NOL4: variants seen among roughly 807,000 people sequenced by gnomAD.
NOL4 encodes the protein cancer/testis antigen 125.
In NOL4, 17 loss-of-function variants were observed where a neutral mutation model predicts 75.9. The ratio of observed to expected loss-of-function variants is 0.22; its 90% confidence interval spans 0.15 to 0.34. The LOEUF (loss-of-function observed/expected upper bound fraction) is 0.34. Among genes scored for constraint, NOL4 ranks in the 10% least tolerant of loss-of-function variants. NOL4 has a pLI of 1.00. For synonymous variants in NOL4, 292 were observed against 289.9 expected (o/e 1.01, Z -0.07); for missense variants, 614 against 793.5 (o/e 0.77, Z 2.72).
chr18:33,939,138 A>T (rs2068281331), intron 9 of NOL4, among the ~76,000 whole-genome samples: 1 of 151,996 alleles, frequency 6.6e-6, no homozygotes, highest in Admixed American at 6.6e-5. Context: ...TGGTCTATAC[A>T]TCTGTTTTGG....
chr18:33,962,416 C>T (rs755795551), intron 6 of NOL4, among the ~76,000 whole-genome samples: 6 of 152,254 alleles, frequency 3.9e-5, no homozygotes, highest in African/African-American at 7.2e-5. Flanking sequence ...GAGATATTCT[C>T]GAATCTACCA....
chr18:33,866,232 C>T (rs2063421000), intron 10 of NOL4, among the ~76,000 whole-genome samples: 2 of 152,106 alleles, frequency 1.3e-5, no homozygotes, highest in Admixed American at 6.6e-5. Flanking sequence ...ATCAATCTCC[C>T]ACACGTTTGA....
chr18:34,019,663 A>ACTAG, intron 5 of NOL4, 62 bp from the exon 6 acceptor site: 1 of 1,458,566 alleles, frequency 6.9e-7, no homozygotes, highest in Non-Finnish European at 9.3e-7. Context: ...GTCTACTTCA[A>ACTAG]CTAGCATTTA....
chr18:33,863,303 G>A (rs962369875), intron 10 of NOL4, among the ~76,000 whole-genome samples: 2 of 152,114 alleles, frequency 1.3e-5, no homozygotes, highest in Admixed American at 1.3e-4. Context: ...GATAGCATTG[G>A]GAGATATACC....
rs188428614 is a variant in NOL4 at position 34,131,844 on chromosome 18, A to G, written c.265-1824T>C. Among the ~76,000 whole-genome samples the G allele has an allele frequency of 3.3e-3, 500 of 152,334 alleles. 5 individuals are homozygous for G. Among genetic ancestry groups the G allele is most frequent in the African/African-American group, 0.012 (482 of 41,570 alleles). On this transcript the variant is annotated intron_variant, in intron 1 of 10. Transcript: ENST00000261592. ...GGAGTTAGCAAGATGTGTAAGACAG[A>G]TAATTGAGGCATTTGTGAAGCTTAC...
chr18:34,146,790 A>G (rs1376716412), intron 1 of NOL4, among the ~76,000 whole-genome samples: 3 of 152,060 alleles, frequency 2.0e-5, no homozygotes, highest in Non-Finnish European at 4.4e-5. Flanking sequence ...ATAGCATTGA[A>G]TCTATAAATT....
intron 9 of NOL4, among the ~76,000 whole-genome samples, chr18:33,901,155 G>A (rs891565905): frequency 2.6e-5 from 4 of 152,060 alleles, no homozygotes; most frequent in Non-Finnish European, 5.9e-5. Flanking sequence ...GCCTTTGATA[G>A]ATATTTTAAG....
chr18:33,964,508 G>T (rs1486566511), intron 6 of NOL4, among the ~76,000 whole-genome samples: 1 of 151,336 alleles, frequency 6.6e-6, no homozygotes, highest in Non-Finnish European at 1.5e-5. Flanking sequence ...AGAAAGAAAA[G>T]AAAGGAAGGA....
At chr18:33,892,748 C>T (rs1264572362) in intron 9 of NOL4, among the ~76,000 whole-genome samples, 2 of 152,076 alleles carry the variant, frequency 1.3e-5, no homozygotes, top group African/African-American at 2.4e-5. Flanking sequence ...GTCTCAAACT[C>T]CCAGGCTCAA....
chr18:33,963,181 C>T (rs1737468269), intron 6 of NOL4, among the ~76,000 whole-genome samples: 1 of 152,172 alleles, frequency 6.6e-6, no homozygotes, highest in African/African-American at 2.4e-5. Context: ...GATTTAAACA[C>T]TATAATTGTT....
chr18:33,995,338 A>T (rs965922993), intron 6 of NOL4, among the ~76,000 whole-genome samples: 2 of 151,682 alleles, frequency 1.3e-5, no homozygotes, highest in African/African-American at 4.8e-5. Flanking sequence ...TTTTTTATAA[A>T]TATGGATACA....
intron 5 of NOL4, among the ~76,000 whole-genome samples, chr18:34,041,850 T>C (rs866176051): frequency 1.3e-5 from 2 of 152,068 alleles, no homozygotes; most frequent in African/African-American, 4.8e-5. Context: ...ATGTTGATTA[T>C]TGTTCTTAAT....
At chr18:33,905,267 G>T (rs1027042817) in intron 9 of NOL4, among the ~76,000 whole-genome samples, 1 of 152,098 alleles carries the variant, frequency 6.6e-6, no homozygotes, top group South Asian at 2.1e-4. Context: ...ACCAGGAGGG[G>T]TCTTCTTAAA....
chr18:33,883,631 G>A (rs899405763), intron 9 of NOL4, among the ~76,000 whole-genome samples: 1 of 152,106 alleles, frequency 6.6e-6, no homozygotes, highest in Non-Finnish European at 1.5e-5. Context: ...GATTGGAGAT[G>A]GAACAATTGA....
At position 33,984,466 on chromosome 18, in the gene NOL4, C is replaced by T. The variant is rs376220203; in HGVS notation, c.1057-26048G>A. Among the ~76,000 whole-genome samples the T allele has an allele frequency of 2.2e-4, 34 of 152,138 alleles. No homozygotes were observed. The East Asian group carries it at 4.7e-3, about 21-fold the overall frequency. On this transcript the variant is annotated intron_variant, in intron 6 of 10. Coordinates refer to ENST00000261592, the MANE Select transcript of NOL4 (RefSeq NM_003787.5). ...ATAATCCCCAGTGTTGGAGGTGGGG[C>T]CTGGTGGGAGGTGACTGGATCATGG...
At chr18:34,026,571 G>A (rs2075353737) in intron 5 of NOL4, among the ~76,000 whole-genome samples, 1 of 152,100 alleles carries the variant, frequency 6.6e-6, no homozygotes, top group African/African-American at 2.4e-5. Flanking sequence ...TTTTCCTAAT[G>A]GATGTCATGG....
At chr18:33,863,529 A>T (rs1276034086) in intron 10 of NOL4, among the ~76,000 whole-genome samples, 1 of 152,222 alleles carries the variant, frequency 6.6e-6, no homozygotes, top group Non-Finnish European at 1.5e-5. Context: ...TACAGGCCCC[A>T]TACAAGTCTG....
intron 1 of NOL4, among the ~76,000 whole-genome samples, chr18:34,211,667 A>G (rs974341281): frequency 6.6e-6 from 1 of 152,232 alleles, no homozygotes; most frequent in Non-Finnish European, 1.5e-5. Flanking sequence ...ATTTTCTAAC[A>G]GCTCCAAAAC....
At chr18:34,130,052 T>G (rs767430983) in intron 1 of NOL4, 32 bp from the exon 2 acceptor site, 2 of 1,483,462 alleles carry the variant, frequency 1.3e-6, no homozygotes, top group Admixed American at 2.4e-5. Context: ...CAAAAACCCA[T>G]AAGATTAATA....
Sources: gnomAD v4.1 joint callset for allele counts (sites outside exome capture counted in the v4.1 genomes callset) on GRCh38, gnomAD v4.1.1 for gene constraint, MANE v1.5 for transcripts, NCBI Gene and HGNC (gene_info 2026-07-23, HGNC 2026-07-21) for gene names.